The following SMAP1 variants were observed in gnomAD, a reference collection of about 807,000 sequenced individuals.
SMAP1 encodes small ArfGAP 1.
A neutral mutation model predicts 58.5 loss-of-function variants in SMAP1; 24 were observed. That is an observed-to-expected ratio of 0.41 (90% confidence interval 0.30 to 0.58). The LOEUF is 0.58. Ranked by LOEUF, SMAP1 falls within the 20% of genes least tolerant of loss-of-function variation. SMAP1 has a pLI of 0.29. For missense variants in SMAP1, 563 were observed against 566.3 expected (o/e 0.99, Z 0.06); for synonymous variants, 216 against 196.6 (o/e 1.10, Z -0.82).
intron 3 of SMAP1, among the ~76,000 whole-genome samples, chr6:70,769,981 G>A (rs1054588312): frequency 4.0e-5 from 6 of 151,846 alleles, no homozygotes; most frequent in Admixed American, 3.9e-4. Context: ...TTGCTTGTCT[G>A]TAAAGGATTT....
intron 2 of SMAP1, among the ~76,000 whole-genome samples, chr6:70,734,125 C>T (rs1028579258): frequency 1.4e-5 from 2 of 145,890 alleles, no homozygotes; most frequent in African/African-American, 5.1e-5. Context: ...CTCTGTCTGG[C>T]CCCCCTCCCC....
intron 6 of SMAP1, among the ~76,000 whole-genome samples, chr6:70,828,046 C>A (rs1770207627): frequency 6.6e-6 from 1 of 152,064 alleles, no homozygotes; most frequent in Non-Finnish European, 1.5e-5. Context: ...AAAATTTTTT[C>A]TCACATAAAA....
intron 2 of SMAP1, among the ~76,000 whole-genome samples, chr6:70,746,486 T>G (rs1582104025): frequency 1.3e-5 from 2 of 152,110 alleles, no homozygotes; most frequent in Admixed American, 1.3e-4. Context: ...ATTGATTTGC[T>G]TATGTTGAAC....
chr6:70,859,649 A>G (rs1771615616), intron 10 of SMAP1: 1 of 285,610 alleles, frequency 3.5e-6, no homozygotes, highest in Non-Finnish European at 6.4e-6. Flanking sequence ...TTATATATAT[A>G]TATATTTGAC....
intron 1 of SMAP1, among the ~76,000 whole-genome samples, chr6:70,731,868 T>C (rs1765444669): frequency 6.6e-6 from 1 of 152,196 alleles, no homozygotes; most frequent in Admixed American, 6.5e-5. Flanking sequence ...CCAGTGAGAC[T>C]GTGCATATTT....
intron 4 of SMAP1, among the ~76,000 whole-genome samples, chr6:70,775,167 A>G (rs1419499529): frequency 1.3e-5 from 2 of 152,202 alleles, no homozygotes; most frequent in African/African-American, 4.8e-5. Flanking sequence ...ATTTATGTCT[A>G]TAAAATTAAG....
At chr6:70,792,033 C>T (rs1478307507) in intron 5 of SMAP1, among the ~76,000 whole-genome samples, 3 of 151,994 alleles carry the variant, frequency 2.0e-5, no homozygotes, top group Non-Finnish European at 2.9e-5. Flanking sequence ...TGTTGTTGCG[C>T]CCATTACTAT....
At chr6:70,728,757 T>G (rs1301217747) in intron 1 of SMAP1, among the ~76,000 whole-genome samples, 1 of 152,214 alleles carries the variant, frequency 6.6e-6, no homozygotes, top group African/African-American at 2.4e-5. Context: ...AGGAAACTGT[T>G]AAAGGTTTGG....
intron 2 of SMAP1, among the ~76,000 whole-genome samples, chr6:70,745,832 T>C (rs551580301): frequency 6.6e-6 from 1 of 152,362 alleles, no homozygotes; most frequent in Admixed American, 6.5e-5. Context: ...CATTTGTTTA[T>C]GTCCTCTTTT....
intron 1 of SMAP1, among the ~76,000 whole-genome samples, chr6:70,704,545 T>C: frequency 6.6e-6 from 1 of 152,218 alleles, no homozygotes; most frequent in Non-Finnish European, 1.5e-5. Context: ...CATAGAATGG[T>C]GAAAACATCT....
chr6:70,791,641 A>G, intron 4 of SMAP1, 48 bp from the exon 5 acceptor site: 2 of 1,493,988 alleles, frequency 1.3e-6, no homozygotes, highest in Non-Finnish European at 1.8e-6. Flanking sequence ...AATTCTCATT[A>G]CCTTCTTTTT....
intron 3 of SMAP1, among the ~76,000 whole-genome samples, chr6:70,768,774 A>T (rs992806690): frequency 6.6e-6 from 1 of 151,680 alleles, no homozygotes; most frequent in Admixed American, 6.6e-5. Context: ...GATTTTAGTT[A>T]TTTCTTGCCC....
chr6:70,809,332 C>T (rs1177404875), intron 6 of SMAP1, among the ~76,000 whole-genome samples: 1 of 152,142 alleles, frequency 6.6e-6, no homozygotes, highest in Admixed American at 6.6e-5. Flanking sequence ...AAACAACCAT[C>T]AAACTTCCTC....
rs566128376 is a variant in SMAP1, at chr6:70,821,462, G to A, written c.577-15479G>A. Among the ~76,000 whole-genome samples the A allele has an allele frequency of 1.5e-4, 23 of 152,112 alleles. No homozygotes were observed. The South Asian group carries it at 4.8e-3, about 32-fold the overall frequency. On this transcript the variant is annotated intron_variant, in intron 6 of 10. Transcript: ENST00000370455. Reference sequence around the variant, plus strand: ...TTGTCATGAAGAAAAATATCCTAGTGAGTATAGAAACTAATCTTTTTCTTA... The same window carrying A: ...TTGTCATGAAGAAAAATATCCTAGTAAGTATAGAAACTAATCTTTTTCTTA...
chr6:70,794,275 C>T (rs1319935825), intron 5 of SMAP1, among the ~76,000 whole-genome samples: 3 of 152,092 alleles, frequency 2.0e-5, no homozygotes, highest in Non-Finnish European at 2.9e-5. Context: ...TTTCACAGTA[C>T]TTTTAGATCT....
chr6:70,670,165 T>A (rs1171118289), intron 1 of SMAP1, among the ~76,000 whole-genome samples: 1 of 152,176 alleles, frequency 6.6e-6, no homozygotes, highest in East Asian at 1.9e-4. Context: ...TTACTTGTTT[T>A]GAGAAGTGAA....
chr6:70,798,853 A>C (rs1374113858), intron 6 of SMAP1, 116 bp downstream of exon 6: 2 of 834,544 alleles, frequency 2.4e-6, no homozygotes, highest in Admixed American at 3.1e-5. Flanking sequence ...TTCAACAAGC[A>C]ATTGTTGAGT....
chr6:70,840,439 A>AT (rs1382358135), intron 7 of SMAP1, among the ~76,000 whole-genome samples: 2 of 152,090 alleles, frequency 1.3e-5, no homozygotes, highest in Non-Finnish European at 2.9e-5. Context: ...GAGGTTGTCC[A>AT]TTTTTTTCCA....
chr6:70,784,755 A>G (rs1767927693), intron 4 of SMAP1, among the ~76,000 whole-genome samples: 2 of 152,268 alleles, frequency 1.3e-5, no homozygotes, highest in Non-Finnish European at 2.9e-5. Context: ...AGAGCTAACT[A>G]TCCTAAATAT....
Sources: allele counts gnomAD v4.1 joint callset (sites outside exome capture counted in the v4.1 genomes callset), GRCh38; gene constraint gnomAD v4.1.1; transcripts MANE v1.5; gene names NCBI Gene and HGNC (gene_info 2026-07-23, HGNC 2026-07-21).